The following AMD1 variants were observed in gnomAD, a reference collection of about 807,000 sequenced individuals.
AMD1 encodes the protein adenosylmethionine decarboxylase 1, also known as S-adenosylmethionine decarboxylase proenzyme.
A neutral mutation model predicts 40.2 loss-of-function variants in AMD1; 11 were observed. The observed-to-expected ratio is 0.27, with a 90% CI of 0.17 to 0.45. The LOEUF is 0.45. Ranked by LOEUF, AMD1 falls within the 20% of genes least tolerant of loss-of-function variation. AMD1 has a pLI of 1.00. For synonymous variants in AMD1, 121 were observed against 130.8 expected (o/e 0.93, Z 0.51); for missense variants, 257 against 410.2 (o/e 0.63, Z 3.23).
the AMD1 span, among the ~76,000 whole-genome samples, chr6:110,834,012 T>C: frequency 2.0e-4 from 30 of 152,184 alleles, no homozygotes; most frequent in African/African-American, 6.5e-4. Context: ...GATGCAAACA[T>C]GGCTTACTGC....
chr6:110,822,887 G>A, the AMD1 span, among the ~76,000 whole-genome samples: 1 of 152,198 alleles, frequency 6.6e-6, no homozygotes, highest in African/African-American at 2.4e-5. Flanking sequence ...GGCTGAGGCA[G>A]GCAGATCACC....
the AMD1 span, among the ~76,000 whole-genome samples, chr6:110,857,596 A>ATATATATATGGTATATATATAGGTGG: frequency 1.7e-5 from 2 of 120,872 alleles, no homozygotes; most frequent in African/African-American, 8.2e-5. Context: ...TATAGATGGT[A>ATATATATATGGTATATATATAGGTGG]TATATATATA....
the AMD1 span, among the ~76,000 whole-genome samples, chr6:110,832,106 C>T: frequency 6.6e-6 from 1 of 151,458 alleles, no homozygotes. Context: ...TCCGCCTCCC[C>T]AGGTTCAAGC....
At chr6:110,841,520 A>G in the AMD1 span, among the ~76,000 whole-genome samples, 4 of 152,252 alleles carry the variant, frequency 2.6e-5, no homozygotes, top group South Asian at 2.1e-4. Context: ...TTCGTAAGCA[A>G]CTTCCTCTTT....
the AMD1 span, among the ~76,000 whole-genome samples, chr6:110,837,172 CAAAAAAAAA>C: frequency 4.2e-5 from 1 of 23,906 alleles, no homozygotes; most frequent in African/African-American, 1.4e-4. Flanking sequence ...CAGAGCGTCT[CAAAAAAAAA>C]AAAAAAAAAA....
At chr6:110,822,896 C>T in the AMD1 span, among the ~76,000 whole-genome samples, 6 of 152,166 alleles carry the variant, frequency 3.9e-5, no homozygotes, top group African/African-American at 1.4e-4. Flanking sequence ...AGGCAGATCA[C>T]CTGGAGGTCG....
At chr6:110,873,740 C>T (rs937597181), upstream of AMD1, among the ~76,000 whole-genome samples, 1 of 150,286 alleles carries the variant, frequency 6.7e-6, no homozygotes, top group Non-Finnish European at 1.5e-5. Flanking sequence ...ATACTTAACA[C>T]TTATAAAATA....
intron 3 of AMD1, chr6:110,890,021 G>A (rs1297622085): frequency 7.4e-6 from 3 of 406,632 alleles, no homozygotes; most frequent in Non-Finnish European, 1.3e-5. Context: ...AAAAGAGAGA[G>A]AGAGAGAGAT....
chr6:110,863,526 C>T, the AMD1 span, among the ~76,000 whole-genome samples: 8 of 151,746 alleles, frequency 5.3e-5, no homozygotes, highest in African/African-American at 1.9e-4. Context: ...TCTGCCACCA[C>T]ACCTGGCTAA....
the AMD1 span, among the ~76,000 whole-genome samples, chr6:110,817,082 T>C: frequency 6.6e-6 from 1 of 152,220 alleles, no homozygotes; most frequent in Non-Finnish European, 1.5e-5. Flanking sequence ...ATGGTGAGCC[T>C]AATGTCCCAA....
the AMD1 span, among the ~76,000 whole-genome samples, chr6:110,819,014 A>G: frequency 1.3e-5 from 2 of 152,320 alleles, no homozygotes; most frequent in East Asian, 1.9e-4. Flanking sequence ...TTCAGGTTCA[A>G]TTGGAGGAAG....
intron 1 of AMD1, 77 bp downstream of exon 1, chr6:110,875,292 C>G (rs1785032930): frequency 1.7e-6 from 2 of 1,186,028 alleles, no homozygotes; most frequent in African/African-American, 3.0e-5. Flanking sequence ...ACGGGTGGAG[C>G]CCGAGTTCCC....
upstream of AMD1, among the ~76,000 whole-genome samples, chr6:110,871,190 T>G (rs138325047): frequency 1.3e-5 from 2 of 152,238 alleles, no homozygotes; most frequent in Admixed American, 1.3e-4. Context: ...TCAATTGTAA[T>G]GGGAAACCCC....
chr6:110,874,854 T>A lies in AMD1; in HGVS notation c.-252T>A, dbSNP rs1456160823. 2 of 449,108 alleles carry A rather than the reference T, an allele frequency of 4.5e-6. No individual in the cohort carries two copies. The highest frequency in any genetic ancestry group is 8.0e-6 in the Non-Finnish European group (2 of 249,416). 27.8% of individuals were successfully genotyped at this position (449,108 alleles called of 1,614,324 possible). ...TCTCTCTAACGGGAAAGCAGCGGAATACAAGAGACTGAACTGTATCTGCCT... is the reference window on the plus strand; with the variant it reads ...TCTCTCTAACGGGAAAGCAGCGGAAAACAAGAGACTGAACTGTATCTGCCT... On this transcript the variant is annotated 5_prime_UTR_variant, in exon 1 of 9. Coordinates refer to ENST00000368885, the MANE Select transcript of AMD1 (RefSeq NM_001634.6).
upstream of AMD1, among the ~76,000 whole-genome samples, chr6:110,874,063 G>A (rs1164976940): frequency 1.3e-5 from 2 of 152,264 alleles, no homozygotes; most frequent in Non-Finnish European, 2.9e-5. Context: ...CAATTCGGAG[G>A]CATGGCGAGC....
In AMD1 at chr6:110,893,508, C is replaced by G. The variant is rs1234305899; in HGVS notation, c.897C>G (p.Pro299=). The change falls in exon 9 of 9, where the codon CCC becomes CCG. Residue 299 remains proline, a synonymous_variant. Transcript: ENST00000368885. Reference sequence around the variant, plus strand: ...AATGTCGCACAGTGCTTGCTTCGCCCCAGAAGATTGAAGGTTTTAAGCGTC... The same window carrying G: ...AATGTCGCACAGTGCTTGCTTCGCCGCAGAAGATTGAAGGTTTTAAGCGTC... ...SSKCRTVLAS[P]QKIEGFKRLD... 1.9e-6 allele frequency: 3 copies of G among 1,613,904 alleles called. No individual in the cohort carries two copies. The highest frequency in any genetic ancestry group is 4.5e-5 in the East Asian group (2 of 44,886).
chr6:110,874,231 C>T (rs1482653116), upstream of AMD1, among the ~76,000 whole-genome samples: 1 of 152,214 alleles, frequency 6.6e-6, no homozygotes, highest in Non-Finnish European at 1.5e-5. Flanking sequence ...AGAATTAAAG[C>T]GCCTTCTAAT....
chr6:110,868,210 C>A, the AMD1 span, among the ~76,000 whole-genome samples: 2 of 151,866 alleles, frequency 1.3e-5, no homozygotes, highest in Non-Finnish European at 2.9e-5. Flanking sequence ...TACAGTGGTG[C>A]GATCTCGGCT....
chr6:110,892,096 G>T, intron 4 of AMD1, 65 bp from the exon 5 acceptor site: 4 of 1,531,912 alleles, frequency 2.6e-6, no homozygotes, highest in Non-Finnish European at 3.6e-6. Flanking sequence ...TTGTGGAAGG[G>T]TAGTAACAAA....
Sources: allele counts gnomAD v4.1 joint callset (sites outside exome capture counted in the v4.1 genomes callset), GRCh38; gene constraint gnomAD v4.1.1; transcripts MANE v1.5; gene names NCBI Gene and HGNC (gene_info 2026-07-23, HGNC 2026-07-21).